KCND2: variants seen among roughly 807,000 people sequenced by gnomAD.
KCND2 encodes the protein potassium voltage-gated channel subfamily D member 2.
KCND2 carries 16 observed loss-of-function variants against 54.4 expected under a neutral mutation model. That is an observed-to-expected ratio of 0.29 (90% CI 0.20 to 0.45). The LOEUF (loss-of-function observed/expected upper bound fraction) is 0.45. Among genes scored for constraint, KCND2 ranks in the 20% least tolerant of loss-of-function variants. The pLI is 1.00. For missense variants in KCND2, 486 were observed against 824.2 expected (o/e 0.59, Z 5.02); for synonymous variants, 317 against 310.7 (o/e 1.02, Z -0.21).
rs527364770 is a variant in KCND2 at position 120,691,086 on chromosome 7, C to G, written c.1116-41817C>G. Among the ~76,000 whole-genome samples, 3 of 152,284 alleles carry G rather than the reference C, an allele frequency of 2.0e-5. No individual in the cohort carries two copies. The South Asian group carries it at 6.2e-4, about 32-fold the overall frequency. On this transcript the variant is annotated intron_variant, in intron 1 of 5. Transcript: ENST00000331113. ...TAGCATGTATGGGGTCTATGAGGAA[C>G]AGCCAAGGAGTTGTGCTAACACTGA...
intron 1 of KCND2, among the ~76,000 whole-genome samples, chr7:120,412,137 G>T (rs757867484): frequency 6.6e-5 from 10 of 151,980 alleles, no homozygotes; most frequent in Non-Finnish European, 1.5e-4. Flanking sequence ...ACAATAAAGG[G>T]ACTGATTTAT....
At chr7:120,614,662 G>T (rs991770740) in intron 1 of KCND2, among the ~76,000 whole-genome samples, 3 of 152,066 alleles carry the variant, frequency 2.0e-5, no homozygotes, top group African/African-American at 7.2e-5. Flanking sequence ...CTAACCTAAT[G>T]TCTACCAAGA....
intron 2 of KCND2, among the ~76,000 whole-genome samples, chr7:120,736,205 A>G (rs569012069): frequency 1.3e-5 from 2 of 152,090 alleles, no homozygotes; most frequent in Non-Finnish European, 2.9e-5. Context: ...GAAAATTCCT[A>G]TCATCACTAT....
chr7:120,584,512 A>G (rs1792566008), intron 1 of KCND2, among the ~76,000 whole-genome samples: 1 of 152,272 alleles, frequency 6.6e-6, no homozygotes. Context: ...TATCAGTGAA[A>G]AAAAGTTGAA....
intron 1 of KCND2, among the ~76,000 whole-genome samples, chr7:120,691,051 C>T (rs1472602483): frequency 1.3e-5 from 2 of 151,310 alleles, no homozygotes; most frequent in Non-Finnish European, 3.0e-5. Context: ...GTGCAAAGGT[C>T]CTGAAGCAGT....
chr7:120,388,944 A>T (rs1234723021), intron 1 of KCND2, among the ~76,000 whole-genome samples: 1 of 150,926 alleles, frequency 6.6e-6, no homozygotes, highest in Non-Finnish European at 1.5e-5. Flanking sequence ...GGTAGATTTT[A>T]TTTCCTAATT....
intron 1 of KCND2, among the ~76,000 whole-genome samples, chr7:120,528,332 A>C (rs10081324): frequency 6.6e-5 from 10 of 152,074 alleles, no homozygotes; most frequent in Non-Finnish European, 1.2e-4. Flanking sequence ...AACTTGTTAC[A>C]TATATAGAAG....
At chr7:120,603,649 G>T (rs1584850189) in intron 1 of KCND2, among the ~76,000 whole-genome samples, 2 of 152,264 alleles carry the variant, frequency 1.3e-5, no homozygotes, top group Admixed American at 6.5e-5. Context: ...TTCTGGCTTT[G>T]ACCTCCTCCC....
At chr7:120,722,543 G>A (rs569419819) in intron 1 of KCND2, among the ~76,000 whole-genome samples, 1 of 152,262 alleles carries the variant, frequency 6.6e-6, no homozygotes, top group African/African-American at 2.4e-5. Flanking sequence ...CACTTAAGGA[G>A]TAGATAAATA....
rs1477421462 is a variant in KCND2, at chr7:120,354,803, A to G, written c.1115+79056A>G. Among the ~76,000 whole-genome samples the G allele has an allele frequency of 2.0e-5, 3 of 152,350 alleles. No homozygotes were observed. In the South Asian group the frequency reaches 6.2e-4, roughly 32 times the overall value. Reference sequence around the variant, plus strand: ...AAAGAAAAGAAAAGCAAAGAAAAGAAGAAACATTTTTGCTTTAGTAACTTT... The same window carrying G: ...AAAGAAAAGAAAAGCAAAGAAAAGAGGAAACATTTTTGCTTTAGTAACTTT... On this transcript the variant is annotated intron_variant, in intron 1 of 5. Coordinates refer to ENST00000331113, the MANE Select transcript of KCND2 (RefSeq NM_012281.3).
intron 1 of KCND2, among the ~76,000 whole-genome samples, chr7:120,640,878 A>G (rs976381426): frequency 6.6e-6 from 1 of 152,130 alleles, no homozygotes; most frequent in Non-Finnish European, 1.5e-5. Flanking sequence ...AGTGGGAGCT[A>G]GGTACCCAGA....
chr7:120,544,413 G>A (rs1792018668), intron 1 of KCND2, among the ~76,000 whole-genome samples: 1 of 151,804 alleles, frequency 6.6e-6, no homozygotes, highest in Admixed American at 6.6e-5. Flanking sequence ...TCCTAAAATG[G>A]AGTTATAAGA....
chr7:120,382,407 T>C (rs1215086069), intron 1 of KCND2, among the ~76,000 whole-genome samples: 1 of 151,948 alleles, frequency 6.6e-6, no homozygotes, highest in African/African-American at 2.4e-5. Flanking sequence ...CTATTCATTA[T>C]AGAATAATTC....
intron 1 of KCND2, among the ~76,000 whole-genome samples, chr7:120,503,797 G>A (rs752774327): frequency 3.3e-5 from 5 of 151,882 alleles, no homozygotes; most frequent in Non-Finnish European, 5.9e-5. Context: ...TTCAATTTGG[G>A]GGGAGTCACT....
At chr7:120,654,593 T>C (rs1485778336) in intron 1 of KCND2, among the ~76,000 whole-genome samples, 1 of 152,198 alleles carries the variant, frequency 6.6e-6, no homozygotes, top group African/African-American at 2.4e-5. Context: ...ATGGGGGGAC[T>C]GGGTTATCAA....
At chr7:120,470,772 AACTC>A (rs1350707068) in intron 1 of KCND2, among the ~76,000 whole-genome samples, 1 of 151,852 alleles carries the variant, frequency 6.6e-6, no homozygotes, top group Non-Finnish European at 1.5e-5. Flanking sequence ...ATCTCATGGA[AACTC>A]AATCAACTTG....
At chr7:120,336,076 G>A (rs982867780) in intron 1 of KCND2, among the ~76,000 whole-genome samples, 31 of 151,894 alleles carry the variant, frequency 2.0e-4, no homozygotes, top group African/African-American at 7.3e-4. Context: ...TTTAAGGTGG[G>A]ATAAACATAT....
intron 1 of KCND2, among the ~76,000 whole-genome samples, chr7:120,580,529 A>T (rs1792501937): frequency 1.3e-5 from 2 of 152,146 alleles, no homozygotes; most frequent in Admixed American, 1.3e-4. Context: ...CTGCATACTC[A>T]AGTGATAATT....
chr7:120,434,458 C>G (rs1801838309), intron 1 of KCND2, among the ~76,000 whole-genome samples: 1 of 152,160 alleles, frequency 6.6e-6, no homozygotes, highest in Admixed American at 6.5e-5. Context: ...CACTCTTGAC[C>G]CCTGCTTGTC....
Sources: allele counts gnomAD v4.1 joint callset (sites outside exome capture counted in the v4.1 genomes callset), GRCh38; gene constraint gnomAD v4.1.1; transcripts MANE v1.5; gene names NCBI Gene and HGNC (gene_info 2026-07-23, HGNC 2026-07-21).